The following ERG variants were observed in gnomAD, a reference collection of about 807,000 sequenced individuals.
The protein encoded by ERG is transcriptional regulator ERG.
Under a neutral mutation model 55.3 loss-of-function variants are expected in ERG, and 9 were observed. That is an observed-to-expected ratio of 0.16 (90% confidence interval 0.10 to 0.28). The LOEUF (loss-of-function observed/expected upper bound fraction) is 0.28. Ranked by LOEUF, ERG falls within the 10% of genes least tolerant of loss-of-function variation. The probability of loss-of-function intolerance (pLI) is 1.00; values close to 1 mark genes in which losing one functional copy is unlikely to be tolerated. For missense variants in ERG, 434 were observed against 631.6 expected (o/e 0.69, Z 3.35); for synonymous variants, 223 against 237.3 (o/e 0.94, Z 0.55).
intron 2 of ERG, among the ~76,000 whole-genome samples, chr21:38,530,134 A>T (rs2059661820): frequency 6.6e-6 from 1 of 152,034 alleles, no homozygotes; most frequent in Admixed American, 6.6e-5. Flanking sequence ...AACTCAGCTC[A>T]CTGCAACCTC....
chr21:38,420,216 AGC>A (rs1209390344), intron 3 of ERG, among the ~76,000 whole-genome samples: 1 of 152,188 alleles, frequency 6.6e-6, no homozygotes, highest in Non-Finnish European at 1.5e-5. Context: ...TGGATACAGC[AGC>A]TGGTACAGCT....
intron 2 of ERG, among the ~76,000 whole-genome samples, chr21:38,547,912 C>CAA (rs57274512): frequency 2.7e-5 from 4 of 150,806 alleles, no homozygotes; most frequent in Admixed American, 1.3e-4. Flanking sequence ...GCATAAAATG[C>CAA]AAAAAAAATT....
intron 1 of ERG, among the ~76,000 whole-genome samples, chr21:38,458,940 C>T (rs1267662228): frequency 6.6e-6 from 1 of 152,214 alleles, no homozygotes; most frequent in Non-Finnish European, 1.5e-5. Context: ...TACTCAAGAG[C>T]AGTTCATACT....
chr21:38,504,391 T>G (rs368893994), intron 2 of ERG, among the ~76,000 whole-genome samples: 1 of 152,252 alleles, frequency 6.6e-6, no homozygotes, highest in Non-Finnish European at 1.5e-5. Context: ...TGCAGGAATA[T>G]TAAAACCATT....
rs1285818267 is a variant in ERG, at chr21:38,408,112, AT to A, written c.389-4404del. Among the ~76,000 whole-genome samples, 13 of 152,216 alleles carry A rather than the reference AT, an allele frequency of 8.5e-5. 1 individual carries two copies. In the South Asian group the frequency reaches 2.5e-3, roughly 29 times the overall value. On this transcript the variant is annotated intron_variant, in intron 3 of 9. Transcript: ENST00000288319. ...TGATCTCCACACCTCTGCCCTATAA[AT>A]TTCTAAGCAAACAATGGTGAAAACA... is the stretch of plus-strand genomic sequence containing the variant.
Position 38,551,101 on chromosome 21 carries a change from T to C in ERG, c.-41+24561A>G, listed in dbSNP as rs1417673980. Among the ~76,000 whole-genome samples, 2 of 150,746 alleles carry C rather than the reference T, an allele frequency of 1.3e-5. 1 individual carries two copies. The highest frequency in any genetic ancestry group is 6.3e-3 in the Middle Eastern group (2 of 316). On this transcript the variant is annotated intron_variant, in intron 2 of 8. Coordinates refer to the ERG transcript ENST00000398897. ...TTGTATGTTTCCATAAATTTATCCC[T>C]TTTTTTCTGGGTTTTCTAATTTTTG...
chr21:38,429,583 ATATGTGTATATG>A, intron 2 of ERG, among the ~76,000 whole-genome samples: 1 of 77,378 alleles, frequency 1.3e-5, no homozygotes, highest in African/African-American at 3.8e-5. Context: ...ACATATATAC[ATATGTGTATATG>A]TACATGTATA....
chr21:38,599,570 G>A (rs1354740205), intron 1 of ERG, among the ~76,000 whole-genome samples: 1 of 152,232 alleles, frequency 6.6e-6, no homozygotes, highest in Non-Finnish European at 1.5e-5. Flanking sequence ...CAGTGGTAAG[G>A]AGAGGAGTGG....
intron 2 of ERG, among the ~76,000 whole-genome samples, chr21:38,544,270 A>G (rs1354662668): frequency 6.6e-6 from 1 of 152,226 alleles, no homozygotes; most frequent in Non-Finnish European, 1.5e-5. Flanking sequence ...AACCGGGATC[A>G]GGTGGTTAGG....
intron 1 of ERG, among the ~76,000 whole-genome samples, chr21:38,626,042 C>T (rs938719768): frequency 6.7e-6 from 1 of 148,856 alleles, no homozygotes; most frequent in African/African-American, 2.5e-5. Flanking sequence ...CTGCCTCAAA[C>T]TCCTGAGTAG....
At chr21:38,395,242 A>G (rs1268584369) in intron 6 of ERG, 1 of 228,168 alleles carries the variant, frequency 4.4e-6, no homozygotes, top group African/African-American at 2.2e-5. Context: ...GTGGGATATG[A>G]CATTGGGAAA....
intron 2 of ERG, among the ~76,000 whole-genome samples, chr21:38,510,878 C>G (rs554298614): frequency 1.2e-4 from 18 of 152,308 alleles, no homozygotes; most frequent in African/African-American, 4.3e-4. Flanking sequence ...ATCAAGCAGC[C>G]ATCATCTGAG....
intron 1 of ERG, among the ~76,000 whole-genome samples, chr21:38,619,700 T>C (rs62217496): frequency 0.18 from 27,524 of 152,268 alleles, 2,538 homozygotes; most frequent in East Asian, 0.29. Context: ...AATTAGCTAG[T>C]CAGCTATTGC....
chr21:38,408,837 A>T (rs1988903699), intron 3 of ERG, among the ~76,000 whole-genome samples: 1 of 152,178 alleles, frequency 6.6e-6, no homozygotes, highest in South Asian at 2.1e-4. Context: ...GGACTACAGC[A>T]TAAGCCCCAG....
chr21:38,385,916 C>T (rs1319969583), intron 9 of ERG, among the ~76,000 whole-genome samples: 1 of 152,200 alleles, frequency 6.6e-6, no homozygotes, highest in African/African-American at 2.4e-5. Context: ...AATATAAACA[C>T]ATACGGTTGT....
intron 2 of ERG, among the ~76,000 whole-genome samples, chr21:38,531,999 T>C (rs1888471): frequency 0.57 from 87,194 of 152,052 alleles, 26,073 homozygotes; most frequent in Non-Finnish European, 0.67. Context: ...AGAAAAATAT[T>C]ATTATATTTT....
intron 6 of ERG, among the ~76,000 whole-genome samples, chr21:38,393,762 T>C (rs916333851): frequency 6.6e-6 from 1 of 152,202 alleles, no homozygotes; most frequent in Non-Finnish European, 1.5e-5. Flanking sequence ...TTTGGTCTGT[T>C]TGGCTGCAAG....
At chr21:38,410,730 G>A (rs1433688172) in intron 3 of ERG, among the ~76,000 whole-genome samples, 1 of 152,194 alleles carries the variant, frequency 6.6e-6, no homozygotes, top group Non-Finnish European at 1.5e-5. Flanking sequence ...GACAAACTGT[G>A]CCTTTGTGAA....
intron 2 of ERG, among the ~76,000 whole-genome samples, chr21:38,537,656 A>AGTGTGTTTGTC (rs2059721383): frequency 6.6e-6 from 1 of 152,202 alleles, no homozygotes; most frequent in African/African-American, 2.4e-5. Flanking sequence ...ACTATTACCA[A>AGTGTGTTTGTC]AAAATCAGAA....
Sources: allele counts gnomAD v4.1 joint callset (sites outside exome capture counted in the v4.1 genomes callset), GRCh38; gene constraint gnomAD v4.1.1; transcripts MANE v1.5; gene names NCBI Gene and HGNC (gene_info 2026-07-23, HGNC 2026-07-21).